Variants in RBBP8 observed in about 807,000 individuals in gnomAD.
The protein encoded by RBBP8 is RB binding protein 8, endonuclease.
A neutral mutation model predicts 108.3 loss-of-function variants in RBBP8; 88 were observed. The ratio of observed to expected loss-of-function variants is 0.81; its 90% CI spans 0.68 to 0.97. RBBP8 has a LOEUF of 0.97. Ranked by LOEUF, RBBP8 falls within the 50% of genes least tolerant of loss-of-function variation. The probability of loss-of-function intolerance (pLI) is 0.00; values close to 1 mark genes in which losing one functional copy is unlikely to be tolerated. For synonymous variants in RBBP8, 332 were observed against 348.2 expected, an observed-to-expected ratio of 0.95 and a Z score of 0.52; for missense variants, 1,023 against 1,049.0, an observed-to-expected ratio of 0.98 and a Z score of 0.34.
At chr18:22,950,635 A>G (rs2144493868) in intron 4 of RBBP8, among the ~76,000 whole-genome samples, 1 of 151,660 alleles carries the variant, frequency 6.6e-6, no homozygotes, top group Admixed American at 6.6e-5. Context: ...TTATTTTTCC[A>G]GGGTAGGCAT....
chr18:22,987,680 A>G (rs544435893), intron 8 of RBBP8, among the ~76,000 whole-genome samples: 1 of 152,252 alleles, frequency 6.6e-6, no homozygotes, highest in African/African-American at 2.4e-5. Flanking sequence ...TTGCTCTCCT[A>G]GTCTCAAGCA....
intron 16 of RBBP8, 77 bp downstream of exon 16, chr18:23,006,509 C>A: frequency 7.9e-7 from 1 of 1,266,774 alleles, no homozygotes; most frequent in Middle Eastern, 2.4e-4. Flanking sequence ...TCTCTTTTTT[C>A]TTTTTTTTTA....
chr18:22,981,910 A>G (rs532645069), intron 6 of RBBP8, among the ~76,000 whole-genome samples: 27 of 152,274 alleles, frequency 1.8e-4, no homozygotes, highest in African/African-American at 6.3e-4. Flanking sequence ...CTTCTCCAAC[A>G]TAAGTACACA....
intron 10 of RBBP8, among the ~76,000 whole-genome samples, chr18:22,991,590 A>G (rs1197587641): frequency 6.6e-6 from 1 of 152,176 alleles, no homozygotes; most frequent in Non-Finnish European, 1.5e-5. Flanking sequence ...ATCCTCCTGT[A>G]TATTTTATGT....
chr18:22,996,339 G>GT (rs1567987733), intron 12 of RBBP8, 35 bp from the exon 13 acceptor site: 1 of 1,610,622 alleles, frequency 6.2e-7, no homozygotes, highest in Non-Finnish European at 8.5e-7. Flanking sequence ...TTTGAAATCA[G>GT]TTTTTTAATT....
At chr18:22,971,641 C>CTTTTTTTTTT (rs919907678) in intron 5 of RBBP8, among the ~76,000 whole-genome samples, 1 of 109,278 alleles carries the variant, frequency 9.2e-6, no homozygotes, top group Non-Finnish European at 1.8e-5. Context: ...TGTTTAATTT[C>CTTTTTTTTTT]TTTTTTTTTT....
At chr18:23,008,097 C>G (rs1239522840) in intron 16 of RBBP8, among the ~76,000 whole-genome samples, 3 of 152,166 alleles carry the variant, frequency 2.0e-5, no homozygotes, top group Non-Finnish European at 4.4e-5. Flanking sequence ...CAGGCGTGAA[C>G]CACCACGCCT....
intron 4 of RBBP8, among the ~76,000 whole-genome samples, chr18:22,965,725 G>A (rs979373190): frequency 2.0e-5 from 3 of 149,436 alleles, no homozygotes; most frequent in South Asian, 2.1e-4. Flanking sequence ...GAGAATGTTC[G>A]TATAATAATT....
intron 2 of RBBP8, among the ~76,000 whole-genome samples, chr18:22,945,774 GATGT>G (rs1911511607): frequency 6.6e-6 from 1 of 152,118 alleles, no homozygotes; most frequent in Non-Finnish European, 1.5e-5. Context: ...AGTTGCTGAT[GATGT>G]ATGTATTTTC....
At chr18:22,952,665 A>G (rs759016680) in intron 4 of RBBP8, among the ~76,000 whole-genome samples, 1 of 152,186 alleles carries the variant, frequency 6.6e-6, no homozygotes, top group Admixed American at 6.5e-5. Context: ...CTAGAAAGCC[A>G]TCTCTCCCAC....
At chr18:22,933,978 C>G (rs1000614475) in intron 1 of RBBP8, 1 of 152,512 alleles carries the variant, frequency 6.6e-6, no homozygotes, top group African/African-American at 2.4e-5. Context: ...AAGAGGACCC[C>G]TGAAATGTCC....
intron 2 of RBBP8, among the ~76,000 whole-genome samples, chr18:22,940,477 C>T (rs1413663252): frequency 5.9e-5 from 9 of 151,638 alleles, no homozygotes; most frequent in African/African-American, 1.2e-4. Context: ...CCCGCCACCA[C>T]GCCCGGCTAA....
chr18:22,986,470 CACAA>C (rs1915332865), intron 8 of RBBP8, among the ~76,000 whole-genome samples: 1 of 152,042 alleles, frequency 6.6e-6, no homozygotes, highest in Non-Finnish European at 1.5e-5. Flanking sequence ...AAAGAGCACA[CACAA>C]ACAAGTACTC....
At chr18:22,929,317 C>G (rs373057370), upstream of RBBP8, 1 of 151,694 alleles carries the variant, frequency 6.6e-6, no homozygotes, top group East Asian at 1.9e-4. Flanking sequence ...ACCTCTCAGA[C>G]TGCTGTTGGA....
intron 3 of RBBP8, among the ~76,000 whole-genome samples, chr18:22,918,908 C>T (rs1909473739): frequency 6.6e-6 from 1 of 152,136 alleles, no homozygotes; most frequent in Non-Finnish European, 1.5e-5. Context: ...GCTTTTTCTA[C>T]TACCAAGTAA....
At chr18:23,024,702 A>G (rs926094027) in intron 18 of RBBP8, 1 of 152,230 alleles carries the variant, frequency 6.6e-6, no homozygotes, top group Admixed American at 6.5e-5. Context: ...GATTCGTCTT[A>G]AGAAAAAAAT....
At chr18:22,974,272 T>C (rs2144618813) in intron 5 of RBBP8, among the ~76,000 whole-genome samples, 1 of 152,308 alleles carries the variant, frequency 6.6e-6, no homozygotes, top group Middle Eastern at 3.4e-3. Flanking sequence ...ATTTCTGCTT[T>C]ACAAATTAAA....
At chr18:22,927,698 A>G (rs1290527081) in intron 3 of RBBP8, among the ~76,000 whole-genome samples, 9 of 152,156 alleles carry the variant, frequency 5.9e-5, no homozygotes, top group African/African-American at 1.2e-4. Flanking sequence ...TAAATAAAAT[A>G]TATTAAGTTA....
At chr18:22,951,746 A>C (rs756367327) in intron 4 of RBBP8, among the ~76,000 whole-genome samples, 2 of 152,214 alleles carry the variant, frequency 1.3e-5, no homozygotes, top group African/African-American at 4.8e-5. Context: ...TGGGGTTCCC[A>C]CAACCCCCTC....
Sources: gnomAD v4.1 joint callset for allele counts (sites outside exome capture counted in the v4.1 genomes callset) on GRCh38, gnomAD v4.1.1 for gene constraint, MANE v1.5 for transcripts, NCBI Gene and HGNC (gene_info 2026-07-23, HGNC 2026-07-21) for gene names.